The following THSD4 variants were observed in gnomAD, a reference collection of about 807,000 sequenced individuals.
THSD4 encodes thrombospondin type-1 domain-containing protein 4.
THSD4 carries 69 observed loss-of-function variants against 119.0 expected under a neutral mutation model. The ratio of observed to expected loss-of-function variants is 0.58; its 90% confidence interval spans 0.48 to 0.71. The LOEUF is 0.71. Ranked by LOEUF, THSD4 falls within the 30% of genes least tolerant of loss-of-function variation. The pLI is 0.00. For synonymous variants in THSD4, 524 were observed against 540.4 expected, an observed-to-expected ratio of 0.97 and a Z score of 0.42; for missense variants, 1,393 against 1,391.1, an observed-to-expected ratio of 1.00 and a Z score of -0.02.
intron 3 of THSD4, among the ~76,000 whole-genome samples, chr15:71,180,301 C>T (rs895943539): frequency 2.8e-4 from 42 of 152,068 alleles, no homozygotes; most frequent in Admixed American, 2.7e-3. Flanking sequence ...AATTCAACAA[C>T]GAAGCAGACA....
chr15:71,476,892 T>C (rs966972316), intron 7 of THSD4, among the ~76,000 whole-genome samples: 3 of 152,188 alleles, frequency 2.0e-5, no homozygotes, highest in South Asian at 4.1e-4. Context: ...AGCTGCCTCA[T>C]CAGTTATCTG....
intron 8 of THSD4, among the ~76,000 whole-genome samples, chr15:71,706,487 T>C (rs2052395217): frequency 6.6e-6 from 1 of 152,058 alleles, no homozygotes; most frequent in East Asian, 1.9e-4. Flanking sequence ...AAATTGTGGA[T>C]AGTTGGGATT....
At position 71,668,077 on chromosome 15, in the gene THSD4, T is replaced by C. The variant is rs145359215; in HGVS notation, c.1357+7343T>C. Among the ~76,000 whole-genome samples, 283 of 152,302 alleles carry C rather than the reference T, an allele frequency of 1.9e-3. 2 individuals carry two copies. In the Middle Eastern group the frequency reaches 0.031, roughly 16 times the overall value. The stretch of plus-strand genomic sequence containing the variant: ...TGCAGAGTATTCTGTACAGTGGATG[T>C]ACCATTATTTATTTAGGTACTTCCC... On this transcript the variant is annotated intron_variant, in intron 8 of 17. Coordinates refer to ENST00000261862, the MANE Select transcript of THSD4 (RefSeq NM_024817.3).
chr15:71,280,776 C>T (rs12594834), intron 6 of THSD4, among the ~76,000 whole-genome samples: 150,153 of 152,240 alleles, frequency 0.99, 74,077 homozygotes, highest in East Asian at 1. Context: ...CCAGGGACTG[C>T]GAGTTCCAGG....
chr15:71,639,124 A>G (rs558805015), intron 7 of THSD4, among the ~76,000 whole-genome samples: 2 of 152,342 alleles, frequency 1.3e-5, no homozygotes, highest in East Asian at 3.9e-4. Flanking sequence ...ACCTAACTTC[A>G]GAAGGTTGGA....
intron 6 of THSD4, among the ~76,000 whole-genome samples, chr15:71,278,948 T>C (rs574673291): frequency 1.3e-5 from 2 of 152,346 alleles, no homozygotes; most frequent in Non-Finnish European, 1.5e-5. Flanking sequence ...TTTGGATTTA[T>C]CCCAGGAAAC....
At chr15:71,638,942 T>C (rs2050802872) in intron 7 of THSD4, among the ~76,000 whole-genome samples, 1 of 152,200 alleles carries the variant, frequency 6.6e-6, no homozygotes, top group Non-Finnish European at 1.5e-5. Context: ...AGCTCCACCA[T>C]TTTAGATAGC....
intron 8 of THSD4, among the ~76,000 whole-genome samples, chr15:71,682,523 A>G (rs369654079): frequency 3.9e-5 from 6 of 151,992 alleles, no homozygotes; most frequent in African/African-American, 1.4e-4. Flanking sequence ...TGTTTTTAGA[A>G]AAACCTTATA....
intron 6 of THSD4, among the ~76,000 whole-genome samples, chr15:71,269,044 G>A (rs1184205630): frequency 6.6e-6 from 1 of 152,152 alleles, no homozygotes; most frequent in Non-Finnish European, 1.5e-5. Flanking sequence ...ACAAAGAGGA[G>A]CTGGTACCAT....
intron 3 of THSD4, among the ~76,000 whole-genome samples, chr15:71,168,121 A>G (rs1015952068): frequency 7.9e-5 from 12 of 152,238 alleles, no homozygotes; most frequent in Non-Finnish European, 1.5e-4. Flanking sequence ...TACTTGGCAA[A>G]TGACTACATT....
chr15:71,183,180 G>C (rs922003402), intron 3 of THSD4: 1 of 151,796 alleles, frequency 6.6e-6, no homozygotes, highest in Admixed American at 6.6e-5. Context: ...CTTACATGGC[G>C]GCAGGCAAGA....
intron 7 of THSD4, among the ~76,000 whole-genome samples, chr15:71,551,229 G>A (rs1477855699): frequency 1.3e-5 from 2 of 152,154 alleles, no homozygotes; most frequent in Non-Finnish European, 2.9e-5. Context: ...ATGTGTTATC[G>A]ACTATAATCA....
At chr15:71,688,684 A>G (rs1447499574) in intron 8 of THSD4, among the ~76,000 whole-genome samples, 12 of 116,766 alleles carry the variant, frequency 1.0e-4, no homozygotes, top group Non-Finnish European at 2.0e-4. Context: ...TTTGTTGTTG[A>G]GGTTTTTTTT....
At chr15:71,358,274 G>T (rs919806863) in intron 6 of THSD4, among the ~76,000 whole-genome samples, 4 of 152,080 alleles carry the variant, frequency 2.6e-5, no homozygotes, top group African/African-American at 9.7e-5. Context: ...TTTTTTGATG[G>T]TTTAATTGAG....
intron 3 of THSD4, among the ~76,000 whole-genome samples, chr15:71,181,434 CAGA>C (rs2043525749): frequency 6.6e-6 from 1 of 152,196 alleles, no homozygotes; most frequent in Non-Finnish European, 1.5e-5. Flanking sequence ...TACAATGTTG[CAGA>C]AGGAGAACAT....
At chr15:71,746,707 C>T (rs2053344393) in intron 12 of THSD4, 131 bp from the exon 13 acceptor site, 1 of 1,032,824 alleles carries the variant, frequency 9.7e-7, no homozygotes, top group Non-Finnish European at 1.4e-6. Flanking sequence ...GGCTGACTTT[C>T]AAGCAATGCT....
intron 6 of THSD4, among the ~76,000 whole-genome samples, chr15:71,299,354 T>A (rs539302053): frequency 6.6e-6 from 1 of 152,222 alleles, no homozygotes; most frequent in African/African-American, 2.4e-5. Flanking sequence ...CTGTTCTGGG[T>A]ATTTCACCTC....
At chr15:71,129,507 C>T (rs765028006) in intron 1 of THSD4, among the ~76,000 whole-genome samples, 1 of 152,098 alleles carries the variant, frequency 6.6e-6, no homozygotes, top group South Asian at 2.1e-4. Context: ...CTTTCTAAAC[C>T]TAAATGCCCT....
At chr15:71,689,154 A>G (rs368468138) in intron 8 of THSD4, among the ~76,000 whole-genome samples, 4 of 152,324 alleles carry the variant, frequency 2.6e-5, no homozygotes, top group African/African-American at 9.6e-5. Context: ...TATACTAATA[A>G]TTCTACTGGA....
Sources: allele counts gnomAD v4.1 joint callset (sites outside exome capture counted in the v4.1 genomes callset), GRCh38; gene constraint gnomAD v4.1.1; transcripts MANE v1.5; gene names NCBI Gene and HGNC (gene_info 2026-07-23, HGNC 2026-07-21).